CYRIB: variants seen among roughly 807,000 people sequenced by gnomAD.
The protein encoded by CYRIB is CYFIP related Rac1 interactor B, also known as CYFIP-related Rac1 interactor B.
Under a neutral mutation model 44.2 loss-of-function variants are expected in CYRIB, and 8 were observed. The ratio of observed to expected loss-of-function variants is 0.18; its 90% CI spans 0.11 to 0.33. CYRIB has a LOEUF of 0.33. CYRIB is among the 10% of genes least tolerant of loss of function. The pLI, the probability that CYRIB is intolerant of heterozygous loss-of-function variation, is 1.00. For synonymous variants in CYRIB, 131 were observed against 127.2 expected (o/e 1.03, Z -0.20); for missense variants, 185 against 382.8 (o/e 0.48, Z 4.31).
chr8:129,874,998 C>T (rs1307448151), intron 3 of CYRIB, among the ~76,000 whole-genome samples: 1 of 152,150 alleles, frequency 6.6e-6, no homozygotes, highest in Non-Finnish European at 1.5e-5. Flanking sequence ...ATTTACTCTC[C>T]TATTTTGATT....
At chr8:129,873,599 G>C (rs913059515) in intron 3 of CYRIB, among the ~76,000 whole-genome samples, 1 of 151,970 alleles carries the variant, frequency 6.6e-6, no homozygotes, top group Non-Finnish European at 1.5e-5. Context: ...AATTCATGAA[G>C]TGGGAATTCA....
At chr8:129,897,194 G>C (rs2135404264) in intron 2 of CYRIB, among the ~76,000 whole-genome samples, 1 of 152,264 alleles carries the variant, frequency 6.6e-6, no homozygotes, top group African/African-American at 2.4e-5. Flanking sequence ...ACCTTAGTAT[G>C]AATCTATTCT....
At chr8:129,993,283 C>T (rs2096683667) in intron 1 of CYRIB, among the ~76,000 whole-genome samples, 1 of 152,014 alleles carries the variant, frequency 6.6e-6, no homozygotes, top group African/African-American at 2.4e-5. Flanking sequence ...ATCCCAGCTA[C>T]TTGGGAGGCT....
chr8:129,987,908 C>T (rs544588430), intron 1 of CYRIB, among the ~76,000 whole-genome samples: 13 of 152,316 alleles, frequency 8.5e-5, no homozygotes, highest in African/African-American at 3.1e-4. Context: ...CGCTGGCTCC[C>T]ACGGCCTACA....
chr8:129,957,984 CAA>C (rs2094966697), intron 2 of CYRIB, among the ~76,000 whole-genome samples: 1 of 141,704 alleles, frequency 7.1e-6, no homozygotes, highest in South Asian at 2.3e-4. Context: ...AAAAAAAATA[CAA>C]AAAATACAAA....
intron 1 of CYRIB, among the ~76,000 whole-genome samples, chr8:129,997,922 A>C (rs2096813916): frequency 6.6e-6 from 1 of 152,054 alleles, no homozygotes; most frequent in Non-Finnish European, 1.5e-5. Context: ...AGAGATCGAG[A>C]CCATCCTGGC....
chr8:129,904,244 T>C (rs1316392370), intron 1 of CYRIB, among the ~76,000 whole-genome samples: 1 of 152,228 alleles, frequency 6.6e-6, no homozygotes, highest in African/African-American at 2.4e-5. Context: ...TTGTACTATC[T>C]GTGGTTCACT....
chr8:129,944,093 GC>G (rs1463059692), upstream of CYRIB, among the ~76,000 whole-genome samples: 2 of 151,904 alleles, frequency 1.3e-5, no homozygotes, highest in Non-Finnish European at 2.9e-5. Context: ...CCTTCTGAAG[GC>G]AACAACAAGT....
At chr8:129,892,044 TA>T (rs961290542) in intron 2 of CYRIB, among the ~76,000 whole-genome samples, 2 of 152,036 alleles carry the variant, frequency 1.3e-5, no homozygotes, top group African/African-American at 2.4e-5. Context: ...CATTAAATGT[TA>T]AAAAAACCTC....
chr8:129,984,103 C>A (rs775880905), intron 1 of CYRIB, among the ~76,000 whole-genome samples: 27 of 152,212 alleles, frequency 1.8e-4, no homozygotes, highest in Non-Finnish European at 1.8e-4. Flanking sequence ...CCTGCTGAGC[C>A]GCCAAGGCGG....
chr8:129,884,247 G>GT (rs2061855707), intron 2 of CYRIB, among the ~76,000 whole-genome samples: 1 of 152,124 alleles, frequency 6.6e-6, no homozygotes, highest in Admixed American at 6.5e-5. Context: ...AGATTTCTAA[G>GT]TTTCGGATGA....
intron 2 of CYRIB, among the ~76,000 whole-genome samples, chr8:129,883,112 C>CAAAAAAAAAAAAAAAAAAAAAAAA (rs34764499): frequency 2.4e-5 from 1 of 41,242 alleles, no homozygotes; most frequent in African/African-American, 9.7e-5. Flanking sequence ...GACTCCCTCT[C>CAAAAAAAAAAAAAAAAAAAAAAAA]AAAAAAAAAA....
At chr8:129,998,001 G>C (rs1387447975) in intron 1 of CYRIB, among the ~76,000 whole-genome samples, 1 of 151,548 alleles carries the variant, frequency 6.6e-6, no homozygotes, top group South Asian at 2.1e-4. Flanking sequence ...CACGCCTGTA[G>C]TCCCAGCTAC....
intron 2 of CYRIB, among the ~76,000 whole-genome samples, chr8:129,966,808 C>T (rs1361370637): frequency 1.3e-5 from 2 of 152,136 alleles, no homozygotes. Context: ...AATCCTCCCA[C>T]CTCAGCCTCC....
chr8:129,993,181 A>T (rs937759212), intron 1 of CYRIB, among the ~76,000 whole-genome samples: 11 of 152,096 alleles, frequency 7.2e-5, no homozygotes, highest in Admixed American at 2.6e-4. Flanking sequence ...ACTTGAGGTC[A>T]GGAGTTCGAG....
intron 1 of CYRIB, among the ~76,000 whole-genome samples, chr8:129,975,241 C>T (rs912715962): frequency 2.0e-4 from 30 of 152,142 alleles, no homozygotes; most frequent in African/African-American, 7.0e-4. Flanking sequence ...GTCTCGAACT[C>T]GTAACCTCAA....
chr8:129,861,144 C>T (rs1210240365), intron 5 of CYRIB, among the ~76,000 whole-genome samples: 4 of 152,150 alleles, frequency 2.6e-5, no homozygotes, highest in Admixed American at 2.0e-4. Flanking sequence ...ACATTCAAAT[C>T]GTCCTAATTT....
chr8:129,873,809 A>G (rs569678592), intron 3 of CYRIB, among the ~76,000 whole-genome samples: 17 of 152,214 alleles, frequency 1.1e-4, no homozygotes, highest in Middle Eastern at 3.4e-3. Flanking sequence ...TTTAATAAGT[A>G]CCAAGAAATT....
At chr8:129,854,666 T>C (rs915906659) in intron 6 of CYRIB, among the ~76,000 whole-genome samples, 3 of 152,216 alleles carry the variant, frequency 2.0e-5, no homozygotes, top group African/African-American at 4.8e-5. Flanking sequence ...GATAAAAGTA[T>C]GTAGGTATGG....
Sources: allele counts gnomAD v4.1 joint callset (sites outside exome capture counted in the v4.1 genomes callset), GRCh38; gene constraint gnomAD v4.1.1; transcripts MANE v1.5; gene names NCBI Gene and HGNC (gene_info 2026-07-23, HGNC 2026-07-21).